MITF: variants seen among roughly 807,000 people sequenced by gnomAD.
The protein encoded by MITF is melanocyte inducing transcription factor.
A neutral mutation model predicts 60.5 loss-of-function variants in MITF; 17 were observed. The observed-to-expected ratio is 0.28, with a 90% CI of 0.19 to 0.42. MITF has a LOEUF of 0.42. Among genes scored for constraint, MITF ranks in the 10% least tolerant of loss-of-function variants. The probability of loss-of-function intolerance (pLI) is 1.00; values close to 1 mark genes in which losing one functional copy is unlikely to be tolerated. For synonymous variants in MITF, 260 were observed against 248.5 expected, an observed-to-expected ratio of 1.05 and a Z score of -0.43; for missense variants, 622 against 683.5, an observed-to-expected ratio of 0.91 and a Z score of 1.00.
chr3:69,823,168 T>C (rs1211764700), intron 1 of MITF, among the ~76,000 whole-genome samples: 3 of 152,332 alleles, frequency 2.0e-5, no homozygotes, highest in South Asian at 2.1e-4. Flanking sequence ...CATGAACCGC[T>C]GCACTCGGCC....
chr3:69,864,338 A>G (rs1359888611), intron 1 of MITF, among the ~76,000 whole-genome samples: 1 of 152,234 alleles, frequency 6.6e-6, no homozygotes. Flanking sequence ...TAAGATAAAT[A>G]GTGTAACATC....
intron 3 of MITF, 35 bp from the exon 4 acceptor site, chr3:69,939,063 C>G: frequency 1.2e-6 from 2 of 1,610,288 alleles, no homozygotes; most frequent in African/African-American, 1.3e-5. Flanking sequence ...TTTGCAAATC[C>G]AAGTTATAGA....
At chr3:69,837,305 T>C (rs896206216) in intron 1 of MITF, among the ~76,000 whole-genome samples, 2 of 152,216 alleles carry the variant, frequency 1.3e-5, no homozygotes, top group Non-Finnish European at 2.9e-5. Flanking sequence ...ACGTGTCCAC[T>C]TGACACTGCC....
chr3:69,837,145 G>T (rs962245224), intron 1 of MITF, among the ~76,000 whole-genome samples: 58 of 152,186 alleles, frequency 3.8e-4, no homozygotes, highest in Non-Finnish European at 5.9e-5. Flanking sequence ...GAAGGCATAT[G>T]TCTCCATGCT....
chr3:69,930,923 A>G (rs2065708424), intron 2 of MITF, among the ~76,000 whole-genome samples: 2 of 152,238 alleles, frequency 1.3e-5, no homozygotes, highest in African/African-American at 4.8e-5. Context: ...AACAACTCAA[A>G]GTAAGAAGTT....
intron 2 of MITF, chr3:69,936,929 G>A (rs972911415): frequency 5.1e-6 from 2 of 392,354 alleles, no homozygotes; most frequent in African/African-American, 2.2e-5. Context: ...TTTGAACAAA[G>A]TAAATATTAG....
intron 1 of MITF, among the ~76,000 whole-genome samples, chr3:69,805,647 G>T (rs757095520): frequency 6.6e-6 from 1 of 152,002 alleles, no homozygotes; most frequent in Non-Finnish European, 1.5e-5. Flanking sequence ...AATATTTGGT[G>T]AGTGAAAAAA....
At chr3:69,857,869 A>G (rs933506590) in intron 1 of MITF, among the ~76,000 whole-genome samples, 4 of 152,056 alleles carry the variant, frequency 2.6e-5, no homozygotes, top group African/African-American at 9.7e-5. Flanking sequence ...TCTTTTATTC[A>G]TGATTTTGTT....
chr3:69,926,339 A>C (rs1268830624), intron 2 of MITF, among the ~76,000 whole-genome samples: 1 of 152,186 alleles, frequency 6.6e-6, no homozygotes, highest in Non-Finnish European at 1.5e-5. Flanking sequence ...TTTTTAGCTC[A>C]TGTGGGCTTG....
At chr3:69,836,124 T>G (rs2063536365) in intron 1 of MITF, among the ~76,000 whole-genome samples, 1 of 152,196 alleles carries the variant, frequency 6.6e-6, no homozygotes, top group African/African-American at 2.4e-5. Flanking sequence ...TCTTTTCATT[T>G]ATTTGTGTCT....
intron 1 of MITF, chr3:69,763,490 A>G (rs2062241392): frequency 2.5e-5 from 27 of 1,083,756 alleles, no homozygotes; most frequent in Non-Finnish European, 2.8e-5. Context: ...GTAGGCAGCA[A>G]TTACTGGTTT....
rs139934194 is a variant in MITF at position 69,850,212 on chromosome 3, T to G, written c.105-28922T>G. Among the ~76,000 whole-genome samples the G allele has an allele frequency of 4.6e-5, 7 of 152,252 alleles. No individual in the cohort carries two copies. In the East Asian group the frequency reaches 1.4e-3, roughly 30 times the overall value. Reference sequence around the variant, plus strand: ...ATATAATAGGATAATATTTTTGGAGTGTTCAGATGAATGAATGTAGTTACT... The same window carrying G: ...ATATAATAGGATAATATTTTTGGAGGGTTCAGATGAATGAATGTAGTTACT... On this transcript the variant is annotated intron_variant, in intron 1 of 9. Transcript: ENST00000352241.
chr3:69,917,465 G>A (rs931667519), intron 2 of MITF, among the ~76,000 whole-genome samples: 3 of 146,282 alleles, frequency 2.1e-5, no homozygotes, highest in Non-Finnish European at 3.0e-5. Flanking sequence ...GTTCATTCAT[G>A]GTATGGTGCT....
chr3:69,797,633 C>A (rs2062852589), intron 1 of MITF, among the ~76,000 whole-genome samples: 2 of 152,172 alleles, frequency 1.3e-5, no homozygotes, highest in Admixed American at 6.5e-5. Context: ...TGGTTGAAAG[C>A]AACATCTACT....
chr3:69,755,187 T>C (rs763813480), intron 1 of MITF, among the ~76,000 whole-genome samples: 2 of 152,202 alleles, frequency 1.3e-5, no homozygotes, highest in Non-Finnish European at 2.9e-5. Flanking sequence ...TATAGCTAAG[T>C]GGAGAAATAA....
At chr3:69,794,124 C>T (rs561566678) in intron 1 of MITF, among the ~76,000 whole-genome samples, 21 of 152,160 alleles carry the variant, frequency 1.4e-4, no homozygotes, top group Non-Finnish European at 2.9e-4. Context: ...AGAGTCTCCC[C>T]CAACTTCTGG....
chr3:69,762,202 GAGA>G (rs918965822), intron 1 of MITF, among the ~76,000 whole-genome samples: 1 of 152,172 alleles, frequency 6.6e-6, no homozygotes, highest in Non-Finnish European at 1.5e-5. Context: ...TGATCTAGCA[GAGA>G]AGAAGTTATA....
At chr3:69,749,557 C>T (rs73111952) in intron 1 of MITF, among the ~76,000 whole-genome samples, 1 of 152,138 alleles carries the variant, frequency 6.6e-6, no homozygotes, top group Admixed American at 6.5e-5. Context: ...CATTTACTTT[C>T]AAGGGAAGAG....
At chr3:69,841,055 C>T (rs1430249961) in intron 1 of MITF, among the ~76,000 whole-genome samples, 1 of 152,166 alleles carries the variant, frequency 6.6e-6, no homozygotes, top group Non-Finnish European at 1.5e-5. Context: ...CACACCAGGC[C>T]TCTAAACTGC....
Sources: allele counts gnomAD v4.1 joint callset (sites outside exome capture counted in the v4.1 genomes callset), GRCh38; gene constraint gnomAD v4.1.1; transcripts MANE v1.5; gene names NCBI Gene and HGNC (gene_info 2026-07-23, HGNC 2026-07-21).